Variants in SMCO4 observed in about 807,000 individuals in gnomAD.
The protein encoded by SMCO4 is single-pass membrane protein with coiled-coil domains 4.
Under a neutral mutation model 3.6 loss-of-function variants are expected in SMCO4, and 4 were observed. The ratio of observed to expected loss-of-function variants is 1.11; its 90% CI spans 0.54 to 2.53. The LOEUF (loss-of-function observed/expected upper bound fraction) is 2.53, where lower values mean the gene tolerates loss of function less well. Among genes scored for constraint, SMCO4 ranks in the 30% most tolerant of loss-of-function variants. SMCO4 has a pLI of 0.02. For missense variants in SMCO4, 70 were observed against 80.8 expected (o/e 0.87, Z 0.51); for synonymous variants, 36 against 35.3 (o/e 1.02, Z -0.07).
intron 1 of SMCO4, among the ~76,000 whole-genome samples, chr11:93,526,500 A>C (rs1949109588): frequency 6.6e-6 from 1 of 152,190 alleles, no homozygotes; most frequent in South Asian, 2.1e-4. Context: ...AGGCAGTACA[A>C]CACCAGGTAG....
chr11:93,546,771 T>A (rs1949318917), upstream of SMCO4, among the ~76,000 whole-genome samples: 1 of 151,734 alleles, frequency 6.6e-6, no homozygotes, highest in African/African-American at 2.4e-5. Context: ...TATGTGCTGG[T>A]GATAAAATCT....
intron 2 of SMCO4, among the ~76,000 whole-genome samples, chr11:93,498,378 G>T (rs1055855227): frequency 6.6e-6 from 1 of 152,164 alleles, no homozygotes; most frequent in East Asian, 1.9e-4. Flanking sequence ...TGAAGCAGTC[G>T]AGAGCATGGC....
chr11:93,537,210 G>A (rs1303560373), intron 1 of SMCO4, among the ~76,000 whole-genome samples: 2 of 152,180 alleles, frequency 1.3e-5, no homozygotes, highest in South Asian at 2.1e-4. Context: ...CCAAAGAAAC[G>A]GCCTGGCCAA....
intron 1 of SMCO4, among the ~76,000 whole-genome samples, chr11:93,538,750 T>G (rs1949248896): frequency 6.6e-6 from 1 of 152,166 alleles, no homozygotes; most frequent in Non-Finnish European, 1.5e-5. Flanking sequence ...GGCACTAAGC[T>G]CTATGGATTC....
At chr11:93,513,969 C>T (rs895334500) in intron 1 of SMCO4, among the ~76,000 whole-genome samples, 6 of 152,160 alleles carry the variant, frequency 3.9e-5, no homozygotes, top group African/African-American at 7.2e-5. Flanking sequence ...CCATCTGTTT[C>T]CTCTACTAAC....
At chr11:93,553,424 A>T in the SMCO4 span, among the ~76,000 whole-genome samples, 8 of 152,210 alleles carry the variant, frequency 5.3e-5, no homozygotes, top group Non-Finnish European at 1.2e-4. Context: ...GGCAAAAATT[A>T]TATCTTTGTT....
intron 2 of SMCO4, among the ~76,000 whole-genome samples, chr11:93,482,132 C>T (rs1054355582): frequency 3.9e-5 from 6 of 152,268 alleles, no homozygotes; most frequent in Non-Finnish European, 8.8e-5. Flanking sequence ...ATCCTGGGTA[C>T]TTCATCAGGC....
upstream of SMCO4, among the ~76,000 whole-genome samples, chr11:93,546,541 A>G (rs1949316932): frequency 6.6e-6 from 1 of 152,204 alleles, no homozygotes; most frequent in Admixed American, 6.5e-5. Flanking sequence ...GTTAGAGATC[A>G]TCTAACCCAC....
intron 1 of SMCO4, among the ~76,000 whole-genome samples, chr11:93,538,206 G>A (rs780892598): frequency 4.6e-5 from 7 of 152,178 alleles, no homozygotes; most frequent in East Asian, 1.9e-4. Context: ...TTGGCGCCCC[G>A]CAGAGACTGC....
intron 1 of SMCO4, chr11:93,535,514 CT>C (rs1218310505): frequency 7.1e-7 from 1 of 1,404,624 alleles, no homozygotes; most frequent in Non-Finnish European, 1.0e-6. Flanking sequence ...GCTGACCAGA[CT>C]TTTCCAGAAG....
the SMCO4 span, among the ~76,000 whole-genome samples, chr11:93,549,625 T>TA: frequency 0.019 from 1,746 of 89,742 alleles, 25 homozygotes; most frequent in Non-Finnish European, 0.026. Flanking sequence ...ATTTATTTAT[T>TA]TTTTTTTTTT....
intron 1 of SMCO4, among the ~76,000 whole-genome samples, chr11:93,527,673 C>T: frequency 6.6e-6 from 1 of 152,076 alleles, no homozygotes; most frequent in East Asian, 1.9e-4. Flanking sequence ...ATTGTCCAGG[C>T]TGGTCTCCAA....
intron 1 of SMCO4, among the ~76,000 whole-genome samples, chr11:93,502,469 C>T (rs182731466): frequency 1.8e-4 from 27 of 152,264 alleles, no homozygotes; most frequent in Admixed American, 1.6e-3. Context: ...CTGAATGAAA[C>T]ACAAAATGTA....
chr11:93,525,611 T>G (rs767842809), intron 1 of SMCO4, among the ~76,000 whole-genome samples: 3 of 152,142 alleles, frequency 2.0e-5, no homozygotes, highest in Non-Finnish European at 2.9e-5. Context: ...CTCCAGACTC[T>G]TCCCACTTTA....
intron 2 of SMCO4, among the ~76,000 whole-genome samples, chr11:93,494,430 C>T (rs961953668): frequency 6.6e-6 from 1 of 152,136 alleles, no homozygotes; most frequent in Non-Finnish European, 1.5e-5. Flanking sequence ...CTCTAGATTC[C>T]CAGCAACTTT....
At chr11:93,529,720 G>GT (rs1949145134) in intron 1 of SMCO4, among the ~76,000 whole-genome samples, 1 of 152,238 alleles carries the variant, frequency 6.6e-6, no homozygotes, top group South Asian at 2.1e-4. Flanking sequence ...ATCTGAAGTA[G>GT]TGATTCCCCC....
chr11:93,520,756 G>A (rs1949049927), intron 1 of SMCO4, among the ~76,000 whole-genome samples: 1 of 152,232 alleles, frequency 6.6e-6, no homozygotes, highest in Non-Finnish European at 1.5e-5. Context: ...GCCTGGAAAA[G>A]AGAACTGAAC....
rs1948733198 is a variant in SMCO4 at position 93,492,741 on chromosome 11, C to T, written c.-81+6535G>A. ...AAGGGGTAGCAAGGGGCCAGGGCGA[C>T]CAGAGCAGAACGAGTTGATGAACGA... On this transcript the variant is annotated intron_variant, in intron 2 of 2. Coordinates refer to ENST00000298966, the MANE Select transcript of SMCO4 (RefSeq NM_020179.3). Among the ~76,000 whole-genome samples the T allele has an allele frequency of 1.3e-5, 2 of 152,118 alleles. 1 individual carries two copies. The highest frequency in any genetic ancestry group is 4.2e-4 in the South Asian group (2 of 4,816).
At chr11:93,479,418 T>C (rs912598993) in intron 2 of SMCO4, 149 bp from the exon 3 acceptor site, 6 of 731,172 alleles carry the variant, frequency 8.2e-6, no homozygotes, top group Admixed American at 3.2e-5. Context: ...CTAAGTTCTC[T>C]TGGGATCAGC....
Sources: gnomAD v4.1 joint callset for allele counts (sites outside exome capture counted in the v4.1 genomes callset) on GRCh38, gnomAD v4.1.1 for gene constraint, MANE v1.5 for transcripts, NCBI Gene and HGNC (gene_info 2026-07-23, HGNC 2026-07-21) for gene names.